The following OR2L13 variants were observed in gnomAD, a reference collection of about 807,000 sequenced individuals.
OR2L13 encodes olfactory receptor family 2 subfamily L member 13, also known as olfactory receptor 2L13.
A neutral mutation model predicts 15.3 loss-of-function variants in OR2L13; 14 were observed. That is an observed-to-expected ratio of 0.91 (90% CI 0.60 to 1.43). The LOEUF is 1.43. Ranked by LOEUF, OR2L13 falls within the 40% of genes most tolerant of loss-of-function variation. The pLI, the probability that OR2L13 is intolerant of heterozygous loss-of-function variation, is 0.00. For synonymous variants in OR2L13, 152 were observed against 142.9 expected (o/e 1.06, Z -0.45); for missense variants, 367 against 387.9 (o/e 0.95, Z 0.45).
upstream of OR2L13, among the ~76,000 whole-genome samples, chr1:248,092,475 T>C (rs1558220217): frequency 6.6e-6 from 1 of 152,072 alleles, no homozygotes; most frequent in East Asian, 1.9e-4. Flanking sequence ...AGGAAAACAG[T>C]AAGAATATAA....
chr1:248,006,243 ATGTGTGTGTGTG>A, the OR2L13 span, among the ~76,000 whole-genome samples: 12,503 of 139,678 alleles, frequency 0.09, 685 homozygotes, highest in African/African-American at 0.17. Flanking sequence ...ATTGCAAGAT[ATGTGTGTGTGTG>A]TGTGTGTGTG....
the OR2L13 span, among the ~76,000 whole-genome samples, chr1:248,079,698 T>C: frequency 6.6e-6 from 1 of 152,184 alleles, no homozygotes; most frequent in Non-Finnish European, 1.5e-5. Context: ...CACTGAGGCC[T>C]TTTCAATAAA....
the OR2L13 span, among the ~76,000 whole-genome samples, chr1:247,958,590 G>C: frequency 4.6e-5 from 7 of 152,084 alleles, no homozygotes; most frequent in Admixed American, 4.6e-4. Context: ...TCTCTTTGTA[G>C]GTCTCTACGG....
At chr1:247,955,471 C>A in the OR2L13 span, among the ~76,000 whole-genome samples, 1 of 151,724 alleles carries the variant, frequency 6.6e-6, no homozygotes, top group Non-Finnish European at 1.5e-5. Flanking sequence ...CCCAGTAATG[C>A]GATGGCTGGG....
At chr1:248,068,206 C>G in the OR2L13 span, among the ~76,000 whole-genome samples, 1 of 152,174 alleles carries the variant, frequency 6.6e-6, no homozygotes, top group South Asian at 2.1e-4. Context: ...AAGTGGGTCC[C>G]TGACCCCTGA....
chr1:248,073,944 A>T, the OR2L13 span, among the ~76,000 whole-genome samples: 2 of 152,070 alleles, frequency 1.3e-5, no homozygotes, highest in Non-Finnish European at 2.9e-5. Context: ...TGTAGATACA[A>T]CTCATAAGAA....
chr1:247,940,459 T>C, the OR2L13 span, among the ~76,000 whole-genome samples: 1 of 152,142 alleles, frequency 6.6e-6, no homozygotes, highest in Non-Finnish European at 1.5e-5. Context: ...ATAAAGTATT[T>C]AACAAAATAT....
At chr1:247,981,960 C>A in the OR2L13 span, among the ~76,000 whole-genome samples, 6 of 152,020 alleles carry the variant, frequency 3.9e-5, no homozygotes, top group South Asian at 2.1e-4. Flanking sequence ...GGACTGCAGG[C>A]TCCCGCCACC....
the OR2L13 span, among the ~76,000 whole-genome samples, chr1:247,996,281 A>G: frequency 6.6e-6 from 1 of 151,238 alleles, no homozygotes; most frequent in African/African-American, 2.5e-5. Context: ...TTTTACAAAC[A>G]TTTGACATAA....
chr1:247,957,571 C>G, the OR2L13 span, among the ~76,000 whole-genome samples: 1,004 of 152,180 alleles, frequency 6.6e-3, 15 homozygotes, highest in African/African-American at 0.023. Context: ...CCATCTGGTC[C>G]TGGACTTTTT....
At chr1:248,036,278 C>A in the OR2L13 span, among the ~76,000 whole-genome samples, 3 of 151,648 alleles carry the variant, frequency 2.0e-5, no homozygotes, top group African/African-American at 7.3e-5. Context: ...TTTTCACTTT[C>A]GTATTTTGAA....
chr1:248,000,310 C>A, the OR2L13 span, among the ~76,000 whole-genome samples: 3 of 152,080 alleles, frequency 2.0e-5, no homozygotes, highest in African/African-American at 7.2e-5. Context: ...AGAAGACCAT[C>A]CTCCTTGGTT....
the OR2L13 span, among the ~76,000 whole-genome samples, chr1:247,980,208 A>G: frequency 1.3e-5 from 2 of 152,128 alleles, no homozygotes; most frequent in Admixed American, 6.5e-5. Flanking sequence ...TAGTTGCATC[A>G]TTTTTATCAT....
the OR2L13 span, among the ~76,000 whole-genome samples, chr1:248,088,300 A>G: frequency 3.3e-5 from 5 of 152,148 alleles, no homozygotes; most frequent in African/African-American, 1.2e-4. Context: ...ACTATTTTGA[A>G]CTGGGCCCCA....
At chr1:248,042,931 T>C in the OR2L13 span, among the ~76,000 whole-genome samples, 3 of 152,134 alleles carry the variant, frequency 2.0e-5, no homozygotes, top group African/African-American at 7.2e-5. Flanking sequence ...ACAGAAAATA[T>C]AATATTTTAA....
chr1:247,958,635 G>C, the OR2L13 span, among the ~76,000 whole-genome samples: 4 of 152,114 alleles, frequency 2.6e-5, no homozygotes, highest in African/African-American at 4.8e-5. Context: ...CCTGTATTGG[G>C]TGCATATATA....
chr1:248,036,607 G>A, the OR2L13 span, among the ~76,000 whole-genome samples: 5 of 151,830 alleles, frequency 3.3e-5, no homozygotes, highest in Non-Finnish European at 7.4e-5. Context: ...CTTCCTCAAA[G>A]GTCGGCTGAC....
chr1:248,082,301 A>G, the OR2L13 span, among the ~76,000 whole-genome samples: 1 of 134,840 alleles, frequency 7.4e-6, no homozygotes, highest in Non-Finnish European at 1.6e-5. Context: ...ATGAGATCAC[A>G]TGGACACAGG....
chr1:247,980,384 G>A, the OR2L13 span, among the ~76,000 whole-genome samples: 337 of 152,104 alleles, frequency 2.2e-3, 2 homozygotes, highest in African/African-American at 7.8e-3. Flanking sequence ...CCACTTTTAT[G>A]TTCTAAAACT....
Sources: allele counts gnomAD v4.1 joint callset (sites outside exome capture counted in the v4.1 genomes callset), GRCh38; gene constraint gnomAD v4.1.1; transcripts MANE v1.5; gene names NCBI Gene and HGNC (gene_info 2026-07-23, HGNC 2026-07-21).